Variants in RPS6KA3 observed in about 807,000 individuals in gnomAD.
RPS6KA3 encodes ribosomal protein S6 kinase A3.
RPS6KA3 carries 4 observed loss-of-function variants against 67.2 expected under a neutral mutation model. The ratio of observed to expected loss-of-function variants is 0.06; its 90% CI spans 0.03 to 0.14. The LOEUF (loss-of-function observed/expected upper bound fraction) is 0.14. RPS6KA3 is among the 10% of genes least tolerant of loss of function. The pLI is 1.00. For synonymous variants in RPS6KA3, 182 were observed against 183.7 expected (o/e 0.99, Z 0.07); for missense variants, 204 against 559.0 (o/e 0.36, Z 6.40).
chrX:20,179,641 G>A (rs1478591446), intron 10 of RPS6KA3, among the ~76,000 whole-genome samples: 2 of 111,108 alleles, frequency 1.8e-5, no homozygotes, highest in African/African-American at 3.3e-5. Context: ...AGTAACTAGG[G>A]CTCTGACATT....
chrX:20,206,536 T>C (rs2068576113), intron 3 of RPS6KA3, among the ~76,000 whole-genome samples: 1 of 112,173 alleles, frequency 8.9e-6, no homozygotes, highest in African/African-American at 3.2e-5. Flanking sequence ...CAGAATTATA[T>C]GCCAGGCACT....
At chrX:20,165,165 G>A (rs963141708) in intron 17 of RPS6KA3, 105 bp from the exon 18 acceptor site, 1 of 607,477 alleles carries the variant, frequency 1.6e-6, no homozygotes, top group African/African-American at 2.2e-5. Flanking sequence ...GATGATGAGT[G>A]CTGACCTTTA....
At chrX:20,225,439 A>C (rs750499469) in intron 2 of RPS6KA3, among the ~76,000 whole-genome samples, 39 of 110,200 alleles carry the variant, frequency 3.5e-4, no homozygotes, top group Admixed American at 2.6e-3. Context: ...TTTATCTCAG[A>C]AATATTTTCC....
At chrX:20,167,523 A>G (rs896958026) in intron 17 of RPS6KA3, 66 bp downstream of exon 17, 14 of 1,026,008 alleles carry the variant, frequency 1.4e-5, no homozygotes. Flanking sequence ...ATTTCTATCT[A>G]ATTCTAGCTC....
chrX:20,180,512 T>C (rs2067817476), intron 10 of RPS6KA3, among the ~76,000 whole-genome samples: 1 of 112,151 alleles, frequency 8.9e-6, no homozygotes, highest in Non-Finnish European at 1.9e-5. Context: ...ATTGAATTGA[T>C]CAATGACAAC....
intron 2 of RPS6KA3, among the ~76,000 whole-genome samples, chrX:20,213,476 A>G (rs1222991889): frequency 9.0e-6 from 1 of 111,546 alleles, no homozygotes; most frequent in Admixed American, 9.5e-5. Context: ...TTTGGACAGA[A>G]TCCTAACTCT....
At position 20,188,589 on chromosome X, in the gene RPS6KA3, T is replaced by C. The variant is rs201311706; in HGVS notation, c.594-55A>G. On this transcript the variant is annotated intron_variant, in intron 7 of 21. Coordinates refer to ENST00000379565, the MANE Select transcript of RPS6KA3 (RefSeq NM_004586.3). ...ACACTAAATAGAGATTTATAGAAGCTAAGACTGAAATTACATCCTTAAGCA... is the reference window on the plus strand; with the variant it reads ...ACACTAAATAGAGATTTATAGAAGCCAAGACTGAAATTACATCCTTAAGCA... 3.3e-4 allele frequency: 209 copies of C among 631,506 alleles called. 2 individuals are homozygous for C. In the East Asian group the frequency reaches 7.0e-3, roughly 21 times the overall value. 52.0% of individuals were successfully genotyped at this position (631,506 alleles called of 1,213,427 possible). A position where few individuals can be genotyped will look rare whatever the true frequency, so the allele number is the denominator to read the frequency against.
intron 1 of RPS6KA3, among the ~76,000 whole-genome samples, chrX:20,248,273 T>C (rs1392854349): frequency 8.9e-6 from 1 of 112,196 alleles, no homozygotes; most frequent in Non-Finnish European, 1.9e-5. Flanking sequence ...TTAATTGCAT[T>C]AGCAAGCTCT....
intron 15 of RPS6KA3, among the ~76,000 whole-genome samples, chrX:20,170,386 C>G (rs910515550): frequency 3.6e-5 from 4 of 110,823 alleles, no homozygotes; most frequent in Non-Finnish European, 7.6e-5. Flanking sequence ...AGTCTTCTAT[C>G]TGAAATGGAT....
intron 16 of RPS6KA3, 91 bp from the exon 17 acceptor site, chrX:20,167,838 T>A (rs990858777): frequency 4.0e-5 from 24 of 596,406 alleles, no homozygotes; most frequent in Non-Finnish European, 5.1e-5. Flanking sequence ...TTAAACTCAC[T>A]TCATATTCAA....
At position 20,213,506 on chromosome X, in the gene RPS6KA3, T is replaced by TA. The variant is rs765365512; in HGVS notation, c.127-4103dup. Among the ~76,000 whole-genome samples the TA allele has an allele frequency of 4.0e-3, 448 of 111,431 alleles. 4 individuals are homozygous for TA. The highest frequency in any genetic ancestry group is 0.014 in the African/African-American group (428 of 30,646). On this transcript the variant is annotated intron_variant, in intron 2 of 21. Coordinates refer to ENST00000379565, the MANE Select transcript of RPS6KA3 (RefSeq NM_004586.3). ...AACTCTTCCCTTTGCAAAAGGAGGC[T>TA]AATAGTGCCCATATATTCTTCCTCT...
chrX:20,171,540 T>C (rs1322499568), intron 15 of RPS6KA3, among the ~76,000 whole-genome samples: 1 of 112,082 alleles, frequency 8.9e-6, no homozygotes, highest in Non-Finnish European at 1.9e-5. Flanking sequence ...TTGCATTAGA[T>C]CTATACTTGT....
rs1275947412 is a variant in RPS6KA3 at position 20,153,043 on chromosome X, A to G, written c.*2355T>C. ...ATGAGAAAGTTGGATTGGGTAATTT[A>G]TAAGGATTTATGTGTTTACTTCTAG... On this transcript the variant is annotated 3_prime_UTR_variant, in exon 22 of 22. Transcript: ENST00000379565. 8.9e-6 allele frequency: 1 copy of G among 112,045 alleles called. No individual in the cohort carries two copies. The highest frequency in any genetic ancestry group is 1.9e-5 in the Non-Finnish European group (1 of 53,222). 9.2% of individuals were successfully genotyped at this position (112,045 alleles called of 1,213,427 possible).
chrX:20,204,895 C>T (rs769158878), intron 3 of RPS6KA3, among the ~76,000 whole-genome samples: 15 of 111,052 alleles, frequency 1.4e-4, no homozygotes, highest in East Asian at 5.6e-4. Context: ...AGCCAGACTC[C>T]GTTTCAAAAC....
chrX:20,218,909 C>A (rs2068923641), intron 2 of RPS6KA3: 5 of 953,283 alleles, frequency 5.2e-6, no homozygotes, highest in Non-Finnish European at 5.9e-6. Flanking sequence ...GAAGGCCAAG[C>A]CCCTGCAAAG....
At chrX:20,261,198 T>C (rs1277892153) in intron 1 of RPS6KA3, among the ~76,000 whole-genome samples, 1 of 111,060 alleles carries the variant, frequency 9.0e-6, no homozygotes, top group Non-Finnish European at 1.9e-5. Context: ...GCACAGTACA[T>C]ACAATTGGAT....
chrX:20,203,930 G>T, intron 4 of RPS6KA3, 92 bp downstream of exon 4: 1 of 665,744 alleles, frequency 1.5e-6, no homozygotes, highest in Non-Finnish European at 2.5e-6. Flanking sequence ...TATTCAGAAT[G>T]TAAATAACAT....
chrX:20,248,977 G>A (rs1476454291), intron 1 of RPS6KA3, among the ~76,000 whole-genome samples: 1 of 111,245 alleles, frequency 9.0e-6, no homozygotes, highest in African/African-American at 3.3e-5. Flanking sequence ...GCCCCTTTAC[G>A]ACCACACTTC....
chrX:20,155,158 G>A lies in RPS6KA3; in HGVS notation c.*240C>T, dbSNP rs895456379. 2 of 411,487 alleles carry A rather than the reference G, an allele frequency of 4.9e-6. No individual in the cohort carries two copies. The highest frequency in any genetic ancestry group is 8.6e-6 in the Non-Finnish European group (2 of 233,380). The allele number at this position is 411,487 out of a possible 1,213,427, so 33.9% of individuals were successfully genotyped here. On this transcript the variant is annotated 3_prime_UTR_variant, in exon 22 of 22. Coordinates refer to ENST00000379565, the MANE Select transcript of RPS6KA3 (RefSeq NM_004586.3). ...TCATTATTTTTCTCATTGATTCAGT[G>A]ACTATATCTTCATCATGTTTCCATT... is the stretch of plus-strand genomic sequence containing the variant.
Sources: gnomAD v4.1 joint callset for allele counts (sites outside exome capture counted in the v4.1 genomes callset) on GRCh38, gnomAD v4.1.1 for gene constraint, MANE v1.5 for transcripts, NCBI Gene and HGNC (gene_info 2026-07-23, HGNC 2026-07-21) for gene names.